The following USP38 variants were observed in gnomAD, a reference collection of about 807,000 sequenced individuals.
USP38 encodes ubiquitin specific peptidase 38.
USP38 carries 49 observed loss-of-function variants against 94.3 expected under a neutral mutation model. The ratio of observed to expected loss-of-function variants is 0.52; its 90% CI spans 0.41 to 0.66. The LOEUF (loss-of-function observed/expected upper bound fraction) is 0.66. Ranked by LOEUF, USP38 falls within the 30% of genes least tolerant of loss-of-function variation. The pLI is 0.00. For synonymous variants in USP38, 468 were observed against 463.6 expected, an observed-to-expected ratio of 1.01 and a Z score of -0.12; for missense variants, 1,128 against 1,229.4, an observed-to-expected ratio of 0.92 and a Z score of 1.23.
rs1272079361 is a variant in USP38, at chr4:143,185,789, G to A, written c.339G>A (p.Leu113=). ...ILDYIHNGLK[L]IMSCPSVLDL... ...ACTACATTCACAACGGCCTGAAGCT[G>A]ATTATGAGCTGTCCGTCGGTGCTGG... The change falls in exon 1 of 10, where the codon CTG becomes CTA. Residue 113 remains leucine, a synonymous_variant. Transcript: ENST00000307017. 1 of 1,614,102 alleles carries A rather than the reference G, an allele frequency of 6.2e-7. No individual in the cohort carries two copies. The highest frequency in any genetic ancestry group is 8.5e-7 in the Non-Finnish European group (1 of 1,180,058).
At chr4:143,200,269 A>G (rs1731674079) in intron 4 of USP38, among the ~76,000 whole-genome samples, 1 of 152,148 alleles carries the variant, frequency 6.6e-6, no homozygotes, top group Admixed American at 6.6e-5. Context: ...ATAAACAGAA[A>G]TAAAGACATA....
chr4:143,187,541 C>T (rs946731129), intron 1 of USP38, among the ~76,000 whole-genome samples: 6 of 152,130 alleles, frequency 3.9e-5, no homozygotes, highest in African/African-American at 1.4e-4. Context: ...TCAACAATAA[C>T]TCGATAAATT....
intron 7 of USP38, 54 bp downstream of exon 7, chr4:143,209,711 T>A (rs1004820403): frequency 3.5e-6 from 4 of 1,159,218 alleles, no homozygotes; most frequent in Non-Finnish European, 5.0e-6. Context: ...GTAATATTCA[T>A]TAAACTTTAC....
rs1320173520 is a variant in USP38 at position 143,203,577 on chromosome 4, A to C, written c.1209+11A>C. ...CTGGAGGCAATAAAGGTATGATGAT[A>C]GTTGTACCAATATTTGTGGAGTTGT... On this transcript the variant is annotated intron_variant, in intron 5 of 9. Transcript: ENST00000307017. 3.7e-6 allele frequency: 6 copies of C among 1,601,328 alleles called. No homozygotes were observed. The highest frequency in any genetic ancestry group is 5.1e-6 in the Non-Finnish European group (6 of 1,176,154).
Position 143,206,082 on chromosome 4 carries a change from G to C in USP38, c.1259G>C (p.Ser420Thr). Residue 420 changes from serine (S) to threonine (T), a missense_variant, in exon 6 of 10, where the codon AGT (serine) becomes ACT (threonine). Coordinates refer to ENST00000307017, the MANE Select transcript of USP38 (RefSeq NM_032557.6). ...EEKIKLILNQSAWTSQSNSLA... is the reference protein window; with the variant it reads ...EEKIKLILNQTAWTSQSNSLA... ...AAGATTAAGTTAATTCTCAATCAAAGTGCCTGGACTTCTCAATCCAATTCT... is the reference window on the plus strand; with the variant it reads ...AAGATTAAGTTAATTCTCAATCAAACTGCCTGGACTTCTCAATCCAATTCT... The C allele has an allele frequency of 6.2e-7, 1 of 1,613,116 alleles. No homozygotes were observed. Among genetic ancestry groups the C allele is most frequent in the Non-Finnish European group, 8.5e-7 (1 of 1,179,634 alleles).
At position 143,214,499 on chromosome 4, in the gene USP38, A is replaced by G. The variant is rs375495549; in HGVS notation, c.2523A>G (p.Leu841=). 34 of 1,613,370 alleles carry G rather than the reference A, an allele frequency of 2.1e-5. No individual in the cohort carries two copies. Among genetic ancestry groups the G allele is most frequent in the East Asian group, 6.7e-5 (3 of 44,868 alleles). Residue 841 remains leucine (L), a synonymous_variant, in exon 9 of 10, where the codon CTA becomes CTG. Transcript: ENST00000307017. ...CCTGCACAAAATTGGTGCCCTATCTATTAAGTTCCGTTGTGGTTCACTCTG... is the reference window on the plus strand; with the variant it reads ...CCTGCACAAAATTGGTGCCCTATCTGTTAAGTTCCGTTGTGGTTCACTCTG... ...EASCTKLVPY[L]LSSVVVHSGI...
rs972887492 is a variant in USP38 at position 143,185,343 on chromosome 4, T to G, written c.-108T>G. 6.3e-6 allele frequency: 8 copies of G among 1,271,832 alleles called. No homozygotes were observed. Among genetic ancestry groups the G allele is most frequent in the East Asian group, 2.5e-5 (1 of 39,898 alleles). 78.8% of individuals were successfully genotyped at this position (1,271,832 alleles called of 1,614,324 possible). A position where few individuals can be genotyped will look rare whatever the true frequency, so the allele number is the denominator to read the frequency against. ...CGGTGGCCGTGGCCCGTCGCGCTGC[T>G]GCTGCGGCGCTCCAAGTTCATCTCC... On this transcript the variant is annotated 5_prime_UTR_variant, in exon 1 of 10. Coordinates refer to ENST00000307017, the MANE Select transcript of USP38 (RefSeq NM_032557.6).
intron 1 of USP38, 136 bp downstream of exon 1, chr4:143,186,268 A>T: frequency 1.2e-6 from 1 of 843,108 alleles, no homozygotes; most frequent in Admixed American, 2.8e-5. Context: ...CCTCATCCCA[A>T]ATTTATTCAC....
chr4:143,188,040 A>C lies in USP38; in HGVS notation c.818+79A>C. The C allele has an allele frequency of 3.5e-6, 5 of 1,422,358 alleles. No homozygotes were observed. In the Admixed American group the frequency reaches 1.2e-4, roughly 35 times the overall value. 88.1% of individuals were successfully genotyped at this position (1,422,358 alleles called of 1,614,324 possible). ...ATTTTGTATTTTGTGAGTAATGAAA[A>C]ACTTACGAATGTTTAAAACTAAAAT... On this transcript the variant is annotated intron_variant, in intron 2 of 9. Coordinates refer to ENST00000307017, the MANE Select transcript of USP38 (RefSeq NM_032557.6).
chr4:143,218,068 G>A (rs371365838), intron 9 of USP38, among the ~76,000 whole-genome samples: 1 of 151,986 alleles, frequency 6.6e-6, no homozygotes, highest in East Asian at 1.9e-4. Flanking sequence ...CCCATCTGTC[G>A]TGCATCAGCC....
chr4:143,193,200 T>TA (rs1350504894), intron 2 of USP38, among the ~76,000 whole-genome samples: 7 of 152,132 alleles, frequency 4.6e-5, no homozygotes, highest in Admixed American at 2.6e-4. Flanking sequence ...AATTGTTTTT[T>TA]AAAAAAACTG....
At position 143,214,944 on chromosome 4, in the gene USP38, G is replaced by C; in HGVS notation, c.2967+1G>C. ...AAAAGACAATAAACTATATTTACAGGTAAGTTGGAAATACAAGCTTTATTT... is the reference window on the plus strand; with the variant it reads ...AAAAGACAATAAACTATATTTACAGCTAAGTTGGAAATACAAGCTTTATTT... On this transcript the variant is annotated splice_donor_variant, in intron 9 of 9. Transcript: ENST00000307017. LOFTEE classifies it high-confidence loss of function. 1 of 1,608,402 alleles carries C rather than the reference G, an allele frequency of 6.2e-7. No homozygotes were observed. The highest frequency in any genetic ancestry group is 8.5e-7 in the Non-Finnish European group (1 of 1,177,918).
At chr4:143,209,904 T>C (rs1374127322) in intron 7 of USP38, among the ~76,000 whole-genome samples, 4 of 152,220 alleles carry the variant, frequency 2.6e-5, no homozygotes, top group Admixed American at 1.3e-4. Flanking sequence ...AATATTACGC[T>C]GACCCATTGA....
rs539728387 is a variant in USP38 at position 143,187,830 on chromosome 4, A to G, written c.687A>G (p.Ala229=). 2 of 1,607,096 alleles carry G rather than the reference A, an allele frequency of 1.2e-6. No homozygotes were observed. Among genetic ancestry groups the G allele is most frequent in the East Asian group, 2.2e-5 (1 of 44,744 alleles). Residue 229 remains alanine (A), a synonymous_variant, in exon 2 of 10, where the codon GCA becomes GCG. Transcript: ENST00000307017. ...EVFASISSTD[A]SFEPSVALAS... Reference sequence around the variant, plus strand: ...TCTTTTTAATTGAAAAAACAGATGCATCATTTGAACCTTCTGTAGCATTGG... The same window carrying G: ...TCTTTTTAATTGAAAAAACAGATGCGTCATTTGAACCTTCTGTAGCATTGG...
At chr4:143,189,469 A>G (rs1405765575) in intron 2 of USP38, among the ~76,000 whole-genome samples, 1 of 152,014 alleles carries the variant, frequency 6.6e-6, no homozygotes. Flanking sequence ...TAACATATAA[A>G]CTGAGCTATT....
intron 6 of USP38, among the ~76,000 whole-genome samples, chr4:143,207,367 G>A (rs962847902): frequency 9.2e-5 from 14 of 152,166 alleles, no homozygotes; most frequent in African/African-American, 1.7e-4. Flanking sequence ...GTGAAACCCC[G>A]TCTCTACTAA....
intron 2 of USP38, among the ~76,000 whole-genome samples, chr4:143,188,951 A>G (rs1027690063): frequency 6.6e-6 from 1 of 152,090 alleles, no homozygotes; most frequent in Non-Finnish European, 1.5e-5. Flanking sequence ...TATGCATCTT[A>G]AAATTGGTTT....
intron 5 of USP38, among the ~76,000 whole-genome samples, chr4:143,204,031 G>C (rs948912239): frequency 6.6e-6 from 1 of 151,298 alleles, no homozygotes; most frequent in Non-Finnish European, 1.5e-5. Context: ...ACCTAGGCTG[G>C]AGTGCAGTGG....
intron 2 of USP38, among the ~76,000 whole-genome samples, chr4:143,192,061 C>T (rs532410882): frequency 6.6e-6 from 1 of 152,326 alleles, no homozygotes; most frequent in Non-Finnish European, 1.5e-5. Flanking sequence ...AATGCCAGTA[C>T]TATTATTTGA....
Sources: gnomAD v4.1 joint callset for allele counts (sites outside exome capture counted in the v4.1 genomes callset) on GRCh38, gnomAD v4.1.1 for gene constraint, MANE v1.5 for transcripts, NCBI Gene and HGNC (gene_info 2026-07-23, HGNC 2026-07-21) for gene names.